Variants in METTL15 observed in about 807,000 individuals in gnomAD.
METTL15 encodes 12S rRNA N(4)-cytidine methyltransferase METTL15.
Under a neutral mutation model 38.3 loss-of-function variants are expected in METTL15, and 34 were observed. That is an observed-to-expected ratio of 0.89 (90% CI 0.68 to 1.18). The LOEUF (loss-of-function observed/expected upper bound fraction) is 1.18. Ranked by LOEUF, METTL15 falls within the 50% of genes most tolerant of loss-of-function variation. METTL15 has a pLI of 0.00. For missense variants in METTL15, 438 were observed against 498.4 expected, an observed-to-expected ratio of 0.88 and a Z score of 1.15; for synonymous variants, 162 against 170.9, an observed-to-expected ratio of 0.95 and a Z score of 0.41.
At chr11:28,263,248 A>G (rs931306895) in intron 4 of METTL15, among the ~76,000 whole-genome samples, 1 of 152,128 alleles carries the variant, frequency 6.6e-6, no homozygotes, top group African/African-American at 2.4e-5. Context: ...AGGATGTAAC[A>G]TCTTATTAGC....
rs983156825 is a variant in METTL15 at position 28,388,937 on chromosome 11, T to A, written c.*358+26901T>A. 3.9e-5 allele frequency among the ~76,000 whole-genome samples: 6 copies of A among 151,992 alleles called. No homozygotes were observed. The East Asian group carries it at 1.2e-3, about 29-fold the overall frequency. On this transcript the variant is annotated intron_variant and NMD_transcript_variant, in intron 5 of 7. Transcript: ENST00000532947. ...ATGAGTGAGAACATGCAGTGTTCGG[T>A]TTTTTGTCCTTGTGATAGTTTGCTG...
intron 6 of METTL15, among the ~76,000 whole-genome samples, chr11:28,322,198 T>C (rs1223988649): frequency 2.6e-5 from 4 of 152,100 alleles, no homozygotes; most frequent in Non-Finnish European, 5.9e-5. Context: ...AATTTTTGAA[T>C]GGCAGAAACT....
rs971169115 is a variant in METTL15 at position 28,128,438 on chromosome 11, T to C, written c.270+14834T>C. Among the ~76,000 whole-genome samples the C allele has an allele frequency of 2.6e-5, 4 of 152,264 alleles. No individual in the cohort carries two copies. The South Asian group carries it at 6.2e-4, about 24-fold the overall frequency. On this transcript the variant is annotated intron_variant, in intron 3 of 6. Transcript: ENST00000407364. ...CATTCGGGGAGTACAGTTTTGTAAATGTGTTGTTTGCTGAAAATCAACATT... is the reference window on the plus strand; with the variant it reads ...CATTCGGGGAGTACAGTTTTGTAAACGTGTTGTTTGCTGAAAATCAACATT...
intron 3 of METTL15, among the ~76,000 whole-genome samples, chr11:28,130,832 C>T (rs1852737035): frequency 6.6e-6 from 1 of 152,178 alleles, no homozygotes; most frequent in Non-Finnish European, 1.5e-5. Context: ...GCAATAGTTA[C>T]ATTTCTAGAA....
chr11:28,243,235 C>G (rs1484312855), intron 4 of METTL15, among the ~76,000 whole-genome samples: 4 of 152,080 alleles, frequency 2.6e-5, no homozygotes, highest in African/African-American at 7.2e-5. Flanking sequence ...AACAGTCTCC[C>G]AGCAGCACTA....
intron 3 of METTL15, among the ~76,000 whole-genome samples, chr11:28,342,689 CTT>C (rs1849963231): frequency 6.6e-6 from 1 of 152,140 alleles, no homozygotes; most frequent in Admixed American, 6.6e-5. Flanking sequence ...GAATAGATGA[CTT>C]TTAAGGCTTC....
At chr11:28,374,584 C>G (rs1355582825) in intron 5 of METTL15, among the ~76,000 whole-genome samples, 1 of 130,192 alleles carries the variant, frequency 7.7e-6, no homozygotes, top group East Asian at 2.1e-4. Flanking sequence ...ATGGGGTTTT[C>G]TAGATATACA....
chr11:28,237,499 T>C (rs1461686350), intron 4 of METTL15, among the ~76,000 whole-genome samples: 1 of 152,188 alleles, frequency 6.6e-6, no homozygotes, highest in Non-Finnish European at 1.5e-5. Context: ...AGTTATACAT[T>C]CGTCTAAATT....
chr11:28,507,198 C>G (rs1469898972), intron 6 of METTL15, among the ~76,000 whole-genome samples: 1 of 152,174 alleles, frequency 6.6e-6, no homozygotes, highest in Non-Finnish European at 1.5e-5. Flanking sequence ...CTAATTGATT[C>G]AAAGTCCTGC....
intron 3 of METTL15, among the ~76,000 whole-genome samples, chr11:28,177,171 AT>A (rs1341380373): frequency 6.6e-6 from 1 of 152,004 alleles, no homozygotes; most frequent in Non-Finnish European, 1.5e-5. Flanking sequence ...GAATATATAT[AT>A]TTGAAGTTTG....
intron 6 of METTL15, among the ~76,000 whole-genome samples, chr11:28,444,102 A>C (rs1429989088): frequency 6.6e-6 from 1 of 152,180 alleles, no homozygotes; most frequent in African/African-American, 2.4e-5. Context: ...TATGCAACTC[A>C]TTATCATTGG....
At chr11:28,373,381 G>A (rs1850267718) in intron 5 of METTL15, among the ~76,000 whole-genome samples, 1 of 152,056 alleles carries the variant, frequency 6.6e-6, no homozygotes, top group Non-Finnish European at 1.5e-5. Flanking sequence ...GTGATGGTGA[G>A]CATTTTTTCA....
chr11:28,394,804 G>T (rs4923533), intron 5 of METTL15, among the ~76,000 whole-genome samples: 61,586 of 151,788 alleles, frequency 0.41, 14,292 homozygotes, highest in Admixed American at 0.52. Flanking sequence ...TTGTTAGTTT[G>T]TGCTGATCTC....
intron 3 of METTL15, among the ~76,000 whole-genome samples, chr11:28,201,247 G>C: frequency 6.6e-6 from 1 of 151,806 alleles, no homozygotes; most frequent in East Asian, 1.9e-4. Flanking sequence ...AAGCCAACTT[G>C]ATCATGGTGG....
chr11:28,296,241 A>C (rs1856729151), intron 5 of METTL15, among the ~76,000 whole-genome samples: 1 of 152,154 alleles, frequency 6.6e-6, no homozygotes, highest in South Asian at 2.1e-4. Context: ...AGGGAAACTG[A>C]TCAGCAGTAT....
At chr11:28,150,694 C>T (rs1043724869) in intron 3 of METTL15, among the ~76,000 whole-genome samples, 3 of 151,820 alleles carry the variant, frequency 2.0e-5, no homozygotes, top group African/African-American at 7.2e-5. Context: ...GTTGCTCTCG[C>T]CTTCTAGTTA....
At chr11:28,260,901 A>G (rs546471879) in intron 4 of METTL15, among the ~76,000 whole-genome samples, 22 of 152,112 alleles carry the variant, frequency 1.4e-4, no homozygotes, top group South Asian at 2.1e-4. Flanking sequence ...TGGCAAGTAG[A>G]CTATAGTTTG....
At chr11:28,151,207 T>C (rs1850076890) in intron 3 of METTL15, among the ~76,000 whole-genome samples, 1 of 151,904 alleles carries the variant, frequency 6.6e-6, no homozygotes, top group Non-Finnish European at 1.5e-5. Flanking sequence ...TTACTTGTTT[T>C]GGTTGGTATT....
chr11:28,193,481 T>C (rs1447297362), intron 3 of METTL15, among the ~76,000 whole-genome samples: 1 of 152,058 alleles, frequency 6.6e-6, no homozygotes, highest in Non-Finnish European at 1.5e-5. Context: ...ACTAGGGGGA[T>C]GGTACTAAAC....
Sources: allele counts gnomAD v4.1 joint callset (sites outside exome capture counted in the v4.1 genomes callset), GRCh38; gene constraint gnomAD v4.1.1; transcripts MANE v1.5; gene names NCBI Gene and HGNC (gene_info 2026-07-23, HGNC 2026-07-21).